Variants in XKR9 observed in about 807,000 individuals in gnomAD.
XKR9 encodes the protein XK related 9, also known as XK-related protein 9.
Under a neutral mutation model 32.0 loss-of-function variants are expected in XKR9, and 32 were observed. The ratio of observed to expected loss-of-function variants is 1.00; its 90% CI spans 0.76 to 1.34. The LOEUF is 1.34. XKR9 is among the 40% of genes most tolerant of loss of function. The pLI is 0.00. For synonymous variants in XKR9, 168 were observed against 143.4 expected, an observed-to-expected ratio of 1.17 and a Z score of -1.22; for missense variants, 546 against 429.7, an observed-to-expected ratio of 1.27 and a Z score of -2.39.
chr8:70,714,885 C>T (rs1405777618), intron 4 of XKR9, among the ~76,000 whole-genome samples: 1 of 151,948 alleles, frequency 6.6e-6, no homozygotes, highest in East Asian at 1.9e-4. Context: ...TGTGATTGGA[C>T]AAGGTCATTT....
chr8:70,850,181 G>A, the XKR9 span, among the ~76,000 whole-genome samples: 1 of 152,014 alleles, frequency 6.6e-6, no homozygotes, highest in African/African-American at 2.4e-5. Flanking sequence ...AAATTTTGAG[G>A]CTGGGCACGG....
chr8:70,686,978 C>G (rs1819302868), intron 3 of XKR9, among the ~76,000 whole-genome samples: 1 of 152,090 alleles, frequency 6.6e-6, no homozygotes, highest in African/African-American at 2.4e-5. Context: ...CAATTTCACT[C>G]TTAGTTATTT....
In XKR9 at chr8:70,706,980, A is replaced by G. The variant is rs1452548866; in HGVS notation, c.320A>G (p.Asp107Gly). 1.9e-6 allele frequency: 3 copies of G among 1,613,144 alleles called. No homozygotes were observed. Among genetic ancestry groups the G allele is most frequent in the African/African-American group, 1.3e-5 (1 of 74,912 alleles). The part of the protein sequence containing the change: ...KRGYHAAFKY[D>G]SNTSNFVEEQ... Reference sequence around the variant, plus strand: ...GGTTACCATGCAGCTTTTAAATATGACAGCAATACTAGTAACTTCGTGGAA... The same window carrying G: ...GGTTACCATGCAGCTTTTAAATATGGCAGCAATACTAGTAACTTCGTGGAA... Residue 107 changes from aspartate to glycine, a missense_variant, in exon 4 of 5, where the codon GAC (aspartate) becomes GGC (glycine). Asp to Gly is a moderately conservative substitution (Grantham distance 94, BLOSUM62 -1). Transcript: ENST00000408926.
chr8:70,792,708 G>C (rs777640540), downstream of XKR9, among the ~76,000 whole-genome samples: 5 of 152,042 alleles, frequency 3.3e-5, no homozygotes, highest in Non-Finnish European at 5.9e-5. Context: ...AAGCAAGAAG[G>C]CTTCAAGGAG....
At chr8:71,006,736 C>G in the XKR9 span, among the ~76,000 whole-genome samples, 1 of 152,074 alleles carries the variant, frequency 6.6e-6, no homozygotes, top group African/African-American at 2.4e-5. Context: ...GTAGAAAACT[C>G]AAATGTATGA....
chr8:70,824,717 C>T, the XKR9 span, among the ~76,000 whole-genome samples: 3 of 151,944 alleles, frequency 2.0e-5, no homozygotes, highest in Admixed American at 2.0e-4. Context: ...GACATTTTTA[C>T]CCTAGGAACA....
chr8:70,896,264 G>A, the XKR9 span, among the ~76,000 whole-genome samples: 1 of 152,154 alleles, frequency 6.6e-6, no homozygotes, highest in Admixed American at 6.5e-5. Context: ...TTTTCTAGAA[G>A]AGATAGTGTA....
chr8:70,853,320 A>C, the XKR9 span, among the ~76,000 whole-genome samples: 1 of 152,046 alleles, frequency 6.6e-6, no homozygotes, highest in Non-Finnish European at 1.5e-5. Flanking sequence ...AGTTAGAAAA[A>C]ATAGATAAAT....
chr8:70,999,075 C>G, the XKR9 span, among the ~76,000 whole-genome samples: 1 of 152,132 alleles, frequency 6.6e-6, no homozygotes, highest in East Asian at 1.9e-4. Context: ...TCTTGTTTCT[C>G]TGTCTCTCTC....
chr8:70,902,301 G>C, the XKR9 span, among the ~76,000 whole-genome samples: 4 of 152,132 alleles, frequency 2.6e-5, no homozygotes, highest in South Asian at 2.1e-4. Flanking sequence ...AATGTTCTTC[G>C]ATTTGTTTGT....
At chr8:70,900,114 T>G in the XKR9 span, among the ~76,000 whole-genome samples, 1 of 149,870 alleles carries the variant, frequency 6.7e-6, no homozygotes, top group Non-Finnish European at 1.5e-5. Flanking sequence ...AAAAAAAAAT[T>G]AGTCTTTTTT....
the XKR9 span, among the ~76,000 whole-genome samples, chr8:71,030,380 GC>G: frequency 6.6e-6 from 1 of 152,090 alleles, no homozygotes; most frequent in African/African-American, 2.4e-5. Flanking sequence ...GCTGAGTAGG[GC>G]AAGTAACACC....
chr8:71,064,124 T>G, the XKR9 span, among the ~76,000 whole-genome samples: 4 of 152,214 alleles, frequency 2.6e-5, no homozygotes, highest in Non-Finnish European at 4.4e-5. Context: ...ACATAAAATC[T>G]TTAGAGATAA....
At chr8:70,774,880 A>G (rs1033969608) in intron 2 of XKR9, among the ~76,000 whole-genome samples, 15 of 152,084 alleles carry the variant, frequency 9.9e-5, no homozygotes, top group African/African-American at 3.6e-4. Context: ...TTTTATTTCC[A>G]TATAAATATT....
intron 2 of XKR9, among the ~76,000 whole-genome samples, chr8:70,773,464 T>C (rs1183867855): frequency 6.6e-6 from 1 of 152,210 alleles, no homozygotes; most frequent in Non-Finnish European, 1.5e-5. Flanking sequence ...GCTAAGCTTT[T>C]AACAAGCTCC....
chr8:70,746,485 T>A (rs1807061392), intron 2 of XKR9, among the ~76,000 whole-genome samples: 1 of 148,970 alleles, frequency 6.7e-6, no homozygotes, highest in African/African-American at 2.4e-5. Flanking sequence ...ATTATAATTA[T>A]ATTCATGGAA....
chr8:70,902,317 CT>C, the XKR9 span, among the ~76,000 whole-genome samples: 1 of 152,184 alleles, frequency 6.6e-6, no homozygotes, highest in Non-Finnish European at 1.5e-5. Context: ...TTTGTGTCCT[CT>C]TTTATTTCAT....
rs1260900613 is a variant in XKR9 at position 70,734,720 on chromosome 8, A to G, written c.*296A>G. The G allele has an allele frequency of 4.7e-6, 1 of 213,796 alleles. No homozygotes were observed. Among genetic ancestry groups the G allele is most frequent in the African/African-American group, 2.4e-5 (1 of 42,440 alleles). The allele number at this position is 213,796 out of a possible 1,614,324, so 13.2% of individuals were successfully genotyped here. A position where few individuals can be genotyped will look rare whatever the true frequency, so the allele number is the denominator to read the frequency against. On this transcript the variant is annotated 3_prime_UTR_variant, in exon 5 of 5. Coordinates refer to ENST00000408926, the MANE Select transcript of XKR9 (RefSeq NM_001011720.2). ...AAGGCTGGAATTGAGCTTCCCTCCC[A>G]TTTTCCTTGTTCCTGAACTAATACT... is the stretch of plus-strand genomic sequence containing the variant.
At chr8:70,994,546 T>C in the XKR9 span, among the ~76,000 whole-genome samples, 1 of 152,268 alleles carries the variant, frequency 6.6e-6, no homozygotes, top group Non-Finnish European at 1.5e-5. Context: ...ATTTTCTCTT[T>C]GCATTTTGTT....
Sources: allele counts gnomAD v4.1 joint callset (sites outside exome capture counted in the v4.1 genomes callset), GRCh38; gene constraint gnomAD v4.1.1; transcripts MANE v1.5; gene names NCBI Gene and HGNC (gene_info 2026-07-23, HGNC 2026-07-21).